Variants in FBXL7 observed in about 807,000 individuals in gnomAD.
FBXL7 encodes F-box/LRR-repeat protein 7.
In FBXL7, 12 loss-of-function variants were observed where a neutral mutation model predicts 38.3. That is an observed-to-expected ratio of 0.31 (90% CI 0.20 to 0.51). FBXL7 has a LOEUF of 0.51. FBXL7 is among the 20% of genes least tolerant of loss of function. The pLI is 0.98. For synonymous variants in FBXL7, 297 were observed against 300.9 expected, an observed-to-expected ratio of 0.99 and a Z score of 0.13; for missense variants, 567 against 676.4, an observed-to-expected ratio of 0.84 and a Z score of 1.79.
chr5:15,816,905 C>A (rs1410917807), intron 2 of FBXL7, among the ~76,000 whole-genome samples: 1 of 152,100 alleles, frequency 6.6e-6, no homozygotes, highest in East Asian at 1.9e-4. Flanking sequence ...CAAAACAAAT[C>A]CACTTTTGTT....
At chr5:15,517,074 T>C (rs541962012) in intron 1 of FBXL7, among the ~76,000 whole-genome samples, 13 of 152,262 alleles carry the variant, frequency 8.5e-5, no homozygotes, top group Middle Eastern at 3.4e-3. Context: ...TCGCCCAGGC[T>C]GGAGTGCAGT....
intron 2 of FBXL7, among the ~76,000 whole-genome samples, chr5:15,900,750 G>C (rs1004911193): frequency 6.6e-6 from 1 of 152,118 alleles, no homozygotes; most frequent in Non-Finnish European, 1.5e-5. Flanking sequence ...AAATGTAAAC[G>C]GTTTGGTTCA....
chr5:15,628,615 C>A (rs185325417), intron 2 of FBXL7, among the ~76,000 whole-genome samples: 1 of 152,188 alleles, frequency 6.6e-6, no homozygotes, highest in Non-Finnish European at 1.5e-5. Flanking sequence ...TCCATTAACA[C>A]GTCCATAATA....
At chr5:15,501,851 C>T (rs1736494772) in intron 1 of FBXL7, 1 of 502,364 alleles carries the variant, frequency 2.0e-6, no homozygotes, top group Non-Finnish European at 2.5e-6. Flanking sequence ...TTTTGACTTC[C>T]ATATGTGCAT....
intron 2 of FBXL7, among the ~76,000 whole-genome samples, chr5:15,876,357 C>A (rs1371703528): frequency 6.6e-6 from 1 of 151,678 alleles, no homozygotes; most frequent in East Asian, 1.9e-4. Context: ...ATGTAAGAAA[C>A]CTGAACGTTC....
intron 2 of FBXL7, among the ~76,000 whole-genome samples, chr5:15,692,611 A>G (rs1271780508): frequency 7.2e-5 from 11 of 152,206 alleles, no homozygotes; most frequent in Non-Finnish European, 1.5e-4. Context: ...CCCTGGCCAT[A>G]GAAGTGGGGA....
chr5:15,514,486 G>A (rs1736882245), intron 1 of FBXL7, among the ~76,000 whole-genome samples: 1 of 152,122 alleles, frequency 6.6e-6, no homozygotes, highest in Non-Finnish European at 1.5e-5. Flanking sequence ...TGTTATAATG[G>A]TGAAGATGAC....
intron 2 of FBXL7, among the ~76,000 whole-genome samples, chr5:15,690,114 AG>A (rs1430881908): frequency 2.6e-5 from 4 of 152,216 alleles, no homozygotes; most frequent in African/African-American, 9.7e-5. Context: ...CTCATTATGT[AG>A]GAAGATCCTT....
chr5:15,814,641 T>A (rs560124267), intron 2 of FBXL7, among the ~76,000 whole-genome samples: 6 of 152,156 alleles, frequency 3.9e-5, no homozygotes, highest in South Asian at 2.1e-4. Context: ...GTAAAAAAAT[T>A]TTTTTTAATG....
chr5:15,599,940 A>G (rs1739743002), intron 1 of FBXL7, among the ~76,000 whole-genome samples: 1 of 152,204 alleles, frequency 6.6e-6, no homozygotes, highest in African/African-American at 2.4e-5. Context: ...AGACATGTCA[A>G]GGGTGGGAAG....
chr5:15,767,206 T>G (rs1160900235), intron 2 of FBXL7, among the ~76,000 whole-genome samples: 1 of 152,054 alleles, frequency 6.6e-6, no homozygotes, highest in African/African-American at 2.4e-5. Flanking sequence ...CACGCCCCCA[T>G]GTGTCCATGC....
At chr5:15,869,640 C>T (rs546804691) in intron 2 of FBXL7, among the ~76,000 whole-genome samples, 27 of 152,144 alleles carry the variant, frequency 1.8e-4, no homozygotes, top group Non-Finnish European at 2.2e-4. Flanking sequence ...ATGTTTTGTT[C>T]GCCGCTGTAT....
rs1385396341 is a variant in FBXL7 at position 15,936,205 on chromosome 5, T to C, written c.740-245T>C. ...TAGGGACAGATGACAGATCAGGAAT[T>C]GGAACCATGGTTTTTCTGATCCAAT... On this transcript the variant is annotated intron_variant, in intron 3 of 3. Coordinates refer to ENST00000504595, the MANE Select transcript of FBXL7 (RefSeq NM_012304.5). The surrounding 1 kb of genome is among the most constrained non-coding windows in gnomAD (Gnocchi z 6.0). 6.6e-6 allele frequency among the ~76,000 whole-genome samples: 1 copy of C among 152,228 alleles called. No individual in the cohort carries two copies. Among genetic ancestry groups the C allele is most frequent in the Non-Finnish European group, 1.5e-5 (1 of 68,038 alleles).
At chr5:15,541,431 A>G (rs1305793141) in intron 1 of FBXL7, among the ~76,000 whole-genome samples, 1,170 of 85,932 alleles carry the variant, frequency 0.014, 27 homozygotes, top group African/African-American at 0.053. Flanking sequence ...TATAGTATAT[A>G]TGTGTGTGTG....
chr5:15,878,423 A>G (rs372758013), intron 2 of FBXL7, among the ~76,000 whole-genome samples: 2 of 152,096 alleles, frequency 1.3e-5, no homozygotes, highest in South Asian at 2.1e-4. Context: ...GTCTCTCTCC[A>G]TGTTCTCCAG....
chr5:15,621,179 A>G (rs540223210), intron 2 of FBXL7, among the ~76,000 whole-genome samples: 2 of 152,316 alleles, frequency 1.3e-5, no homozygotes, highest in South Asian at 4.1e-4. Context: ...GCCCTTGTAA[A>G]GAATTGGCAG....
chr5:15,906,225 A>C (rs1446352195), intron 2 of FBXL7, among the ~76,000 whole-genome samples: 1 of 152,094 alleles, frequency 6.6e-6, no homozygotes, highest in Non-Finnish European at 1.5e-5. Flanking sequence ...CACATTGGTC[A>C]ATGCTATGTT....
rs981166929 is a variant in FBXL7 at position 15,582,608 on chromosome 5, C to T, written c.38-33375C>T. Among the ~76,000 whole-genome samples, 11 of 152,184 alleles carry T rather than the reference C, an allele frequency of 7.2e-5. No individual in the cohort carries two copies. In the East Asian group the frequency reaches 1.4e-3, roughly 19 times the overall value. Reference sequence around the variant, plus strand: ...TGACCAATTCCATGTTATTCTTCCTCATTTCTTCACTCATATAAATGATTA... The same window carrying T: ...TGACCAATTCCATGTTATTCTTCCTTATTTCTTCACTCATATAAATGATTA... On this transcript the variant is annotated intron_variant, in intron 1 of 3. Coordinates refer to ENST00000504595, the MANE Select transcript of FBXL7 (RefSeq NM_012304.5).
At chr5:15,645,888 C>CG (rs899322391) in intron 2 of FBXL7, among the ~76,000 whole-genome samples, 1 of 152,194 alleles carries the variant, frequency 6.6e-6, no homozygotes, top group African/African-American at 2.4e-5. Context: ...GCCTTCCTGT[C>CG]GAAGATTGAA....
Sources: allele counts gnomAD v4.1 joint callset (sites outside exome capture counted in the v4.1 genomes callset), GRCh38; gene constraint gnomAD v4.1.1; non-coding constraint Gnocchi (gnomAD v3.1); transcripts MANE v1.5; gene names NCBI Gene and HGNC (gene_info 2026-07-23, HGNC 2026-07-21).